The following KIF21A variants were observed in gnomAD, a reference collection of about 807,000 sequenced individuals.
KIF21A encodes the protein kinesin-like protein KIF21A.
KIF21A carries 114 observed loss-of-function variants against 202.9 expected under a neutral mutation model. The ratio of observed to expected loss-of-function variants is 0.56; its 90% CI spans 0.48 to 0.66. The LOEUF is 0.66. Ranked by LOEUF, KIF21A falls within the 30% of genes least tolerant of loss-of-function variation. The probability of loss-of-function intolerance (pLI) is 0.00; values close to 1 mark genes in which losing one functional copy is unlikely to be tolerated. For synonymous variants in KIF21A, 667 were observed against 670.8 expected (o/e 0.99, Z 0.09); for missense variants, 1,677 against 1,994.9 (o/e 0.84, Z 3.04).
chr12:39,332,297 C>A lies in KIF21A; in HGVS notation c.2968G>T (p.Glu990Ter). The change falls in exon 21 of 38, where the codon GAG becomes TAG. Residue 990 changes from glutamate to a stop codon, truncating the protein, a stop_gained. Coordinates refer to ENST00000361418, the MANE Select transcript of KIF21A (RefSeq NM_001173464.2). LOFTEE classifies it high-confidence loss of function. ...KNVANINEEMESLTANIDYIN... is the reference protein window; with the variant it reads ...KNVANINEEM ...TAATCGATATTAGCAGTCAGTGACT[C>A]CATCTCTTCATTGATATTAGCCACA... The A allele has an allele frequency of 6.2e-7, 1 of 1,613,284 alleles. No homozygotes were observed. Among genetic ancestry groups the A allele is most frequent in the Non-Finnish European group, 8.5e-7 (1 of 1,179,364 alleles).
chr12:39,405,750 C>T (rs1952532309), intron 1 of KIF21A, among the ~76,000 whole-genome samples: 1 of 152,020 alleles, frequency 6.6e-6, no homozygotes, highest in Non-Finnish European at 1.5e-5. Flanking sequence ...AGTTTCTTAC[C>T]AACAGACATT....
chr12:39,405,234 C>G (rs1164139302), intron 1 of KIF21A, among the ~76,000 whole-genome samples: 2 of 152,054 alleles, frequency 1.3e-5, no homozygotes, highest in Non-Finnish European at 2.9e-5. Flanking sequence ...CGCCTGTAAT[C>G]CCAGCTACTT....
At chr12:39,296,366 G>T (rs1023950284) in intron 37 of KIF21A, among the ~76,000 whole-genome samples, 2 of 152,054 alleles carry the variant, frequency 1.3e-5, no homozygotes, top group Non-Finnish European at 2.9e-5. Context: ...ACCACGCCTG[G>T]CCAGGATATG....
rs1359947703 is a variant in KIF21A, at chr12:39,429,599, T to C, written c.44+13328A>G. ...GATTACTATGTGCCAGACATTATTC[T>C]GAGTGCTTTATGTCAATTAATTCTC... On this transcript the variant is annotated intron_variant, in intron 1 of 37. Coordinates refer to ENST00000361418, the MANE Select transcript of KIF21A (RefSeq NM_001173464.2). Among the ~76,000 whole-genome samples, 3 of 152,238 alleles carry C rather than the reference T, an allele frequency of 2.0e-5. No homozygotes were observed. The East Asian group carries it at 5.8e-4, about 29-fold the overall frequency.
rs574903322 is a variant in KIF21A, at chr12:39,385,118, C to A, written c.45-14857G>T. 3.9e-5 allele frequency among the ~76,000 whole-genome samples: 6 copies of A among 152,060 alleles called. No homozygotes were observed. The East Asian group carries it at 1.2e-3, about 29-fold the overall frequency. On this transcript the variant is annotated intron_variant, in intron 1 of 37. Coordinates refer to ENST00000361418, the MANE Select transcript of KIF21A (RefSeq NM_001173464.2). ...TATTTAACTCGAGCAAAGTAAGTAACCAGGAGGCAAGGATCATTGGGTGTC... is the reference window on the plus strand; with the variant it reads ...TATTTAACTCGAGCAAAGTAAGTAAACAGGAGGCAAGGATCATTGGGTGTC...
intron 1 of KIF21A, among the ~76,000 whole-genome samples, chr12:39,372,601 G>T (rs982790852): frequency 2.0e-5 from 3 of 152,172 alleles, no homozygotes; most frequent in African/African-American, 7.2e-5. Flanking sequence ...ATCATATTGT[G>T]TACTGTAATA....
At chr12:39,341,955 G>T in intron 13 of KIF21A, 79 bp downstream of exon 13, 3 of 941,076 alleles carry the variant, frequency 3.2e-6, no homozygotes, top group Non-Finnish European at 5.2e-6. Context: ...TTTTCTACAA[G>T]TAAGTTAGTA....
chr12:39,412,777 G>A (rs1436654229), intron 1 of KIF21A, among the ~76,000 whole-genome samples: 1 of 152,098 alleles, frequency 6.6e-6, no homozygotes, highest in Non-Finnish European at 1.5e-5. Context: ...TCCATAATTA[G>A]AGCAGTAACT....
In KIF21A at chr12:39,367,986, A is replaced by T. The variant is rs757781644; in HGVS notation, c.497T>A (p.Ile166Asn). 3.1e-6 allele frequency: 5 copies of T among 1,601,600 alleles called. No individual in the cohort carries two copies. In the African/African-American group the frequency reaches 6.7e-5, roughly 21 times the overall value. Residue 166 changes from isoleucine (I) to asparagine (N), a missense_variant, in exon 4 of 38, where the codon ATT becomes AAT. By Grantham distance (149) the Ile-to-Asn change is moderately radical. Transcript: ENST00000361418. Reference protein sequence around the residue: ...VLDLFDTTRDIDAKSKKSNIR... With the variant: ...VLDLFDTTRDNDAKSKKSNIR... ...ATTTGATTTTTTACTTTTTGCATCAATATCACGAGTGGTATCAAATAAGTC... is the reference window on the plus strand; with the variant it reads ...ATTTGATTTTTTACTTTTTGCATCATTATCACGAGTGGTATCAAATAAGTC...
chr12:39,372,625 A>T (rs1479727024), intron 1 of KIF21A, among the ~76,000 whole-genome samples: 1 of 152,234 alleles, frequency 6.6e-6, no homozygotes, highest in Non-Finnish European at 1.5e-5. Flanking sequence ...ATTAAATGAT[A>T]TTATAACAAA....
At chr12:39,369,429 C>T (rs1334903752) in intron 3 of KIF21A, among the ~76,000 whole-genome samples, 1 of 152,078 alleles carries the variant, frequency 6.6e-6, no homozygotes, top group Admixed American at 6.6e-5. Context: ...CATTACACTC[C>T]AACCTGGGTG....
chr12:39,333,537 G>A (rs938193734), intron 17 of KIF21A, among the ~76,000 whole-genome samples: 22 of 152,010 alleles, frequency 1.4e-4, no homozygotes, highest in Admixed American at 7.2e-4. Context: ...GATACATTTG[G>A]TGCTTACTAT....
chr12:39,388,903 C>A (rs1399188688), intron 1 of KIF21A, among the ~76,000 whole-genome samples: 1 of 152,092 alleles, frequency 6.6e-6, no homozygotes, highest in African/African-American at 2.4e-5. Flanking sequence ...TGAAACCTCA[C>A]TGAAAGAAAT....
chr12:39,303,097 A>G lies in KIF21A; in HGVS notation c.4599T>C (p.Ser1533=). 1 of 1,614,010 alleles carries G rather than the reference A, an allele frequency of 6.2e-7. No individual in the cohort carries two copies. The highest frequency in any genetic ancestry group is 1.1e-5 in the South Asian group (1 of 91,082). Residue 1533 remains serine (S), a synonymous_variant, in exon 36 of 38, where the codon AGT becomes AGC. Transcript: ENST00000361418. The part of the protein sequence containing the change: ...DVTEGALGTV[S]PTHNFEPPHY... ...GAGGGGGTTCAAAATTGTGGGTGGG[A>G]CTCACAGTCCCAAGAGCTCCTTCTG...
At chr12:39,408,827 T>G (rs1218114080) in intron 1 of KIF21A, among the ~76,000 whole-genome samples, 3 of 145,702 alleles carry the variant, frequency 2.1e-5, no homozygotes, top group South Asian at 4.4e-4. Flanking sequence ...TTTTTTTTTG[T>G]TTTTTTTTTG....
intron 36 of KIF21A, 142 bp from the exon 37 acceptor site, chr12:39,301,821 C>A: frequency 1.4e-6 from 1 of 728,958 alleles, no homozygotes; most frequent in South Asian, 1.7e-5. Context: ...TATGCAATCA[C>A]TCTTAGTGAT....
chr12:39,317,039 G>A (rs1374214408), intron 29 of KIF21A, among the ~76,000 whole-genome samples: 1 of 151,970 alleles, frequency 6.6e-6, no homozygotes, highest in Non-Finnish European at 1.5e-5. Flanking sequence ...CTCAATTAAT[G>A]ACAGAAATAA....
intron 4 of KIF21A, 58 bp downstream of exon 4, chr12:39,367,825 A>G (rs1214532650): frequency 7.5e-7 from 1 of 1,326,414 alleles, no homozygotes; most frequent in African/African-American, 1.5e-5. Context: ...TTATCAGCAA[A>G]GCTCACTATT....
chr12:39,312,865 G>T (rs1256205196), intron 31 of KIF21A: 1 of 151,848 alleles, frequency 6.6e-6, no homozygotes, highest in African/African-American at 2.4e-5. Context: ...AGATGATAAT[G>T]AATTAAGACA....
Sources: gnomAD v4.1 joint callset for allele counts (sites outside exome capture counted in the v4.1 genomes callset) on GRCh38, gnomAD v4.1.1 for gene constraint, MANE v1.5 for transcripts, NCBI Gene and HGNC (gene_info 2026-07-23, HGNC 2026-07-21) for gene names.